Variants in HLCS observed in about 807,000 individuals in gnomAD.
HLCS encodes the protein biotin--protein ligase.
Under a neutral mutation model 75.0 loss-of-function variants are expected in HLCS, and 53 were observed. The observed-to-expected ratio is 0.71, with a 90% CI of 0.57 to 0.89. The LOEUF is 0.89. Ranked by LOEUF, HLCS falls within the 40% of genes least tolerant of loss-of-function variation. HLCS has a pLI of 0.00. For missense variants in HLCS, 966 were observed against 1,074.0 expected (o/e 0.90, Z 1.41); for synonymous variants, 431 against 428.6 (o/e 1.01, Z -0.07).
chr21:36,871,255 G>A (rs965256848), intron 6 of HLCS, among the ~76,000 whole-genome samples: 4 of 152,112 alleles, frequency 2.6e-5, no homozygotes, highest in South Asian at 2.1e-4. Context: ...TTCAGAAAAC[G>A]AGAATACAGA....
chr21:36,794,775 C>G (rs903683200), intron 6 of HLCS, among the ~76,000 whole-genome samples: 3 of 151,988 alleles, frequency 2.0e-5, no homozygotes, highest in African/African-American at 7.2e-5. Flanking sequence ...GAAAGTGGAA[C>G]AAAGAGGACC....
At chr21:36,818,547 C>G (rs932545930) in intron 6 of HLCS, among the ~76,000 whole-genome samples, 2 of 152,156 alleles carry the variant, frequency 1.3e-5, no homozygotes, top group African/African-American at 4.8e-5. Context: ...ATGAGAAACA[C>G]TACATGAAAC....
At chr21:36,888,433 A>T (rs1429209350) in intron 6 of HLCS, among the ~76,000 whole-genome samples, 1,316 of 13,418 alleles carry the variant, frequency 0.098, 47 homozygotes, top group African/African-American at 0.2. Flanking sequence ...CTTCCCATTT[A>T]AAAAAAAAAA....
intron 9 of HLCS, chr21:36,759,293 G>A: frequency 2.3e-6 from 1 of 440,404 alleles, no homozygotes; most frequent in Non-Finnish European, 4.7e-6. Flanking sequence ...GCCTTGACCA[G>A]CATGGAGCTT....
At chr21:36,947,893 C>T (rs2067479418) in intron 2 of HLCS, 5 of 985,402 alleles carry the variant, frequency 5.1e-6, no homozygotes, top group Non-Finnish European at 4.8e-6. Flanking sequence ...ATTTTTCTGA[C>T]TCTTGTTTCT....
At chr21:36,984,746 A>C (rs910327921) in intron 1 of HLCS, among the ~76,000 whole-genome samples, 1 of 152,212 alleles carries the variant, frequency 6.6e-6, no homozygotes, top group African/African-American at 2.4e-5. Flanking sequence ...TCCAGACTTC[A>C]CCACTTCCCA....
At chr21:36,762,831 C>T (rs531581060) in intron 8 of HLCS, among the ~76,000 whole-genome samples, 11 of 152,156 alleles carry the variant, frequency 7.2e-5, no homozygotes, top group South Asian at 2.1e-4. Flanking sequence ...GCCTGGCGCA[C>T]GCAGCCTCTG....
At chr21:36,947,296 G>A (rs531767922) in intron 2 of HLCS, 34 of 951,806 alleles carry the variant, frequency 3.6e-5, no homozygotes, top group Middle Eastern at 5.4e-4. Context: ...CACACATCCC[G>A]GATCAAGTTT....
At chr21:36,807,696 G>A (rs569251215) in intron 6 of HLCS, among the ~76,000 whole-genome samples, 7 of 152,114 alleles carry the variant, frequency 4.6e-5, no homozygotes, top group Non-Finnish European at 1.0e-4. Flanking sequence ...TCATCACCGC[G>A]TTTCATCCTC....
chr21:36,752,469 G>T lies in HLCS; in HGVS notation c.*1777C>A, dbSNP rs2089405478. On this transcript the variant is annotated 3_prime_UTR_variant, in exon 11 of 11. Transcript: ENST00000674895. Reference sequence around the variant, plus strand: ...CCTTATATTACAAAGTCTGAGAAATGAAACCTACATCGTTAGCCTCGAGAT... The same window carrying T: ...CCTTATATTACAAAGTCTGAGAAATTAAACCTACATCGTTAGCCTCGAGAT... 1 of 152,580 alleles carries T rather than the reference G, an allele frequency of 6.6e-6. No individual in the cohort carries two copies. The highest frequency in any genetic ancestry group is 2.4e-5 in the African/African-American group (1 of 41,444). 9.5% of individuals were successfully genotyped at this position (152,580 alleles called of 1,614,324 possible).
At chr21:36,942,589 T>C (rs545204161) in intron 2 of HLCS, among the ~76,000 whole-genome samples, 1 of 152,154 alleles carries the variant, frequency 6.6e-6, no homozygotes, top group Admixed American at 6.5e-5. Context: ...ACTTCTTAGA[T>C]AAGACACCAA....
intron 6 of HLCS, among the ~76,000 whole-genome samples, chr21:36,795,299 G>A (rs2060994850): frequency 6.6e-6 from 1 of 152,190 alleles, no homozygotes; most frequent in African/African-American, 2.4e-5. Context: ...ACACATTGAC[G>A]GTGCTCAGCT....
rs562485297 is a variant in HLCS at position 36,800,426 on chromosome 21, A to C, written c.1893-33141T>G. 1.2e-3 allele frequency among the ~76,000 whole-genome samples: 176 copies of C among 152,334 alleles called. 1 individual carries two copies. The highest frequency in any genetic ancestry group is 4.1e-3 in the African/African-American group (169 of 41,580). On this transcript the variant is annotated intron_variant, in intron 6 of 10. Transcript: ENST00000674895. Reference sequence around the variant, plus strand: ...CCAAGCTCTCCATCAGGTATGGAACAGATGCAGTCACAGGAATGATAACAG... The same window carrying C: ...CCAAGCTCTCCATCAGGTATGGAACCGATGCAGTCACAGGAATGATAACAG...
At chr21:36,854,774 AGATTCTCC>A (rs1406881885) in intron 6 of HLCS, among the ~76,000 whole-genome samples, 1 of 152,234 alleles carries the variant, frequency 6.6e-6, no homozygotes, top group Non-Finnish European at 1.5e-5. Context: ...CTGGACAACA[AGATTCTCC>A]CACTATTAAA....
intron 6 of HLCS, among the ~76,000 whole-genome samples, chr21:36,869,411 C>T (rs897553512): frequency 6.6e-6 from 1 of 152,130 alleles, no homozygotes; most frequent in Non-Finnish European, 1.5e-5. Context: ...GGGTTACAGG[C>T]GTGAGCCACC....
chr21:36,937,143 A>G lies in HLCS; in HGVS notation c.743T>C (p.Leu248Pro), dbSNP rs753890429. The G allele has an allele frequency of 1.9e-6, 3 of 1,614,116 alleles. No homozygotes were observed. The stretch of plus-strand genomic sequence containing the variant: ...ACACTCGTGGCAACTAGACAGATGG[A>G]GGTGATAATGCTCAACGGGGCCCCC... The part of the protein sequence containing the change: ...RGGGPVEHYH[L>P]HLSSCHECLE... The change falls in exon 4 of 11, where the codon CTC becomes CCC. Residue 248 changes from leucine to proline, a missense_variant. Physicochemically the swap from Leu to Pro is moderately conservative, Grantham distance 98. Coordinates refer to ENST00000674895, the MANE Select transcript of HLCS (RefSeq NM_001352514.2).
intron 6 of HLCS, among the ~76,000 whole-genome samples, chr21:36,783,441 T>C (rs1439428701): frequency 6.6e-6 from 1 of 152,218 alleles, no homozygotes; most frequent in Non-Finnish European, 1.5e-5. Flanking sequence ...GTAATTCTCT[T>C]CTGGTTCCTT....
rs76983917 is a variant in HLCS, at chr21:36,753,974, G to T, written c.*272C>A. The T allele has an allele frequency of 3.8e-6, 2 of 523,682 alleles. No individual in the cohort carries two copies. The highest frequency in any genetic ancestry group is 4.2e-5 in the South Asian group (2 of 47,396). The allele number at this position is 523,682 out of a possible 1,614,324, so 32.4% of individuals were successfully genotyped here. A position where few individuals can be genotyped will look rare whatever the true frequency, so the allele number is the denominator to read the frequency against. On this transcript the variant is annotated 3_prime_UTR_variant, in exon 11 of 11. Coordinates refer to ENST00000674895, the MANE Select transcript of HLCS (RefSeq NM_001352514.2). The surrounding 1 kb of genome is among the most constrained non-coding windows in gnomAD (Gnocchi z 4.3). ...GTAAAAACTCCCCTTGACAATAAAC[G>T]TAAGTCCAAGCCACAGAGGGGAGAG...
At chr21:36,755,696 A>ATTGT (rs1400617771) in intron 10 of HLCS, among the ~76,000 whole-genome samples, 1 of 152,138 alleles carries the variant, frequency 6.6e-6, no homozygotes, top group Non-Finnish European at 1.5e-5. Context: ...TTTTGGTCTA[A>ATTGT]TTGTTTGTGC....
Sources: allele counts gnomAD v4.1 joint callset (sites outside exome capture counted in the v4.1 genomes callset), GRCh38; gene constraint gnomAD v4.1.1; non-coding constraint Gnocchi (gnomAD v3.1); transcripts MANE v1.5; gene names NCBI Gene and HGNC (gene_info 2026-07-23, HGNC 2026-07-21).